The following PRKACB variants were observed in gnomAD, a reference collection of about 807,000 sequenced individuals.
PRKACB encodes the protein protein kinase cAMP-activated catalytic subunit beta, also known as cAMP-dependent protein kinase catalytic subunit beta.
Under a neutral mutation model 51.4 loss-of-function variants are expected in PRKACB, and 16 were observed. That is an observed-to-expected ratio of 0.31 (90% CI 0.21 to 0.47). PRKACB has a LOEUF of 0.47. PRKACB is among the 20% of genes least tolerant of loss of function. The probability of loss-of-function intolerance (pLI) is 1.00; values close to 1 mark genes in which losing one functional copy is unlikely to be tolerated. For missense variants in PRKACB, 309 were observed against 464.5 expected, an observed-to-expected ratio of 0.67 and a Z score of 3.08; for synonymous variants, 147 against 154.4, an observed-to-expected ratio of 0.95 and a Z score of 0.35.
intron 7 of PRKACB, among the ~76,000 whole-genome samples, chr1:84,200,392 C>G (rs1328547109): frequency 6.6e-6 from 1 of 152,110 alleles, no homozygotes; most frequent in Non-Finnish European, 1.5e-5. Flanking sequence ...AGACCTTTGG[C>G]AGATGCATAT....
intron 8 of PRKACB, among the ~76,000 whole-genome samples, chr1:84,205,849 T>C (rs1671255728): frequency 6.6e-6 from 1 of 152,150 alleles, no homozygotes; most frequent in Admixed American, 6.5e-5. Context: ...ACATTATTCA[T>C]GCAATGTTAA....
chr1:84,169,474 C>T lies in PRKACB; in HGVS notation c.188-9703C>T, dbSNP rs374287454. On this transcript the variant is annotated intron_variant, in intron 1 of 9. Coordinates refer to ENST00000370685, the MANE Select transcript of PRKACB (RefSeq NM_182948.4). ...AAGCTGCATTAGAGGCAATAAAAAC[C>T]AGAATAATCATTGCAGAAAAGTAAA... Among the ~76,000 whole-genome samples the T allele has an allele frequency of 1.2e-3, 185 of 151,648 alleles. 2 individuals carry two copies. The highest frequency in any genetic ancestry group is 4.3e-3 in the African/African-American group (179 of 41,466).
Position 84,204,403 on chromosome 1 carries a change from A to C in PRKACB, c.906+1598A>C. ...TGCAGTACTTATTTAAACAAGTATC[A>C]GTATCACTGCTGTTCTTCTTACATT... On this transcript the variant is annotated intron_variant, in intron 8 of 9. Transcript: ENST00000370685. The C allele has an allele frequency of 1.9e-6, 2 of 1,070,976 alleles. 1 individual carries two copies. The highest frequency in any genetic ancestry group is 2.7e-5 in the South Asian group (2 of 73,562). The allele number at this position is 1,070,976 out of a possible 1,614,324, so 66.3% of individuals were successfully genotyped here. A position where few individuals can be genotyped will look rare whatever the true frequency, so the allele number is the denominator to read the frequency against.
chr1:84,103,463 G>T (rs1649506924), intron 1 of PRKACB, among the ~76,000 whole-genome samples: 2 of 152,032 alleles, frequency 1.3e-5, no homozygotes, highest in Admixed American at 6.6e-5. Flanking sequence ...GAGAGAGATT[G>T]GTAGCACTAG....
At chr1:84,221,321 G>A (rs1485569212) in intron 9 of PRKACB, among the ~76,000 whole-genome samples, 1 of 151,492 alleles carries the variant, frequency 6.6e-6, no homozygotes, top group Non-Finnish European at 1.5e-5. Flanking sequence ...TTGTTAACTT[G>A]GATCTTCTCT....
chr1:84,180,069 C>A (rs116631466), intron 2 of PRKACB, among the ~76,000 whole-genome samples: 1 of 142,774 alleles, frequency 7.0e-6, no homozygotes, highest in Non-Finnish European at 1.5e-5. Context: ...AAAAAGAGGT[C>A]GTTATTTGAA....
chr1:84,218,774 C>T (rs1673236729), intron 9 of PRKACB, among the ~76,000 whole-genome samples: 1 of 152,164 alleles, frequency 6.6e-6, no homozygotes, highest in Non-Finnish European at 1.5e-5. Context: ...TATAAGAATT[C>T]CCTTTTCTCC....
rs1247298919 is a variant in PRKACB at position 84,175,793 on chromosome 1, A to T, written c.188-3384A>T. 2 of 1,574,520 alleles carry T rather than the reference A, an allele frequency of 1.3e-6. 1 individual carries two copies. Among genetic ancestry groups the T allele is most frequent in the Non-Finnish European group, 1.7e-6 (2 of 1,162,870 alleles). ...TCCTGCAAACAAATCTTGGGTGAACATGTAGATTCCTTTGGTATGCTCATT... is the reference window on the plus strand; with the variant it reads ...TCCTGCAAACAAATCTTGGGTGAACTTGTAGATTCCTTTGGTATGCTCATT... On this transcript the variant is annotated intron_variant, in intron 1 of 9. Coordinates refer to ENST00000370685, the MANE Select transcript of PRKACB (RefSeq NM_182948.4).
chr1:84,187,864 C>T (rs1665637616), intron 5 of PRKACB, among the ~76,000 whole-genome samples: 1 of 152,072 alleles, frequency 6.6e-6, no homozygotes, highest in Admixed American at 6.6e-5. Flanking sequence ...CTTGAGGTTC[C>T]TGGTCCTGCC....
At chr1:84,176,193 A>C (rs1360611255) in intron 1 of PRKACB, among the ~76,000 whole-genome samples, 2 of 151,876 alleles carry the variant, frequency 1.3e-5, no homozygotes, top group East Asian at 3.9e-4. Flanking sequence ...AAACTAAATA[A>C]TTGAGAACTT....
chr1:84,116,568 ATTC>A (rs1650649250), intron 1 of PRKACB, among the ~76,000 whole-genome samples: 1 of 151,986 alleles, frequency 6.6e-6, no homozygotes, highest in African/African-American at 2.4e-5. Flanking sequence ...ATTCCTAGGT[ATTC>A]TTTTTGTAGC....
At chr1:84,087,946 C>T (rs1648147312) in intron 1 of PRKACB, among the ~76,000 whole-genome samples, 2 of 152,064 alleles carry the variant, frequency 1.3e-5, no homozygotes, top group African/African-American at 2.4e-5. Flanking sequence ...CTTCATGTAG[C>T]TTATAGTCTG....
chr1:84,204,386 T>G, intron 8 of PRKACB: 1 of 938,090 alleles, frequency 1.1e-6, no homozygotes, highest in Non-Finnish European at 1.7e-6. Flanking sequence ...AATGCAGTAC[T>G]TATTTAAACA....
At chr1:84,175,035 T>C (rs761693708) in intron 1 of PRKACB, 2 of 1,471,898 alleles carry the variant, frequency 1.4e-6, no homozygotes, top group Non-Finnish European at 9.0e-7. Flanking sequence ...GACACAAGCT[T>C]GCTCCTCTTC....
At position 84,236,887 on chromosome 1, in the gene PRKACB, A is replaced by G. The variant is rs1676707338; in HGVS notation, c.*1582A>G. ...TCATTTTAATGATCAATTTACCTGCATATAAAATTTATTTTTAATCAAGCT... is the reference window on the plus strand; with the variant it reads ...TCATTTTAATGATCAATTTACCTGCGTATAAAATTTATTTTTAATCAAGCT... On this transcript the variant is annotated 3_prime_UTR_variant, in exon 10 of 10. Transcript: ENST00000370685. 1 of 152,586 alleles carries G rather than the reference A, an allele frequency of 6.6e-6. No homozygotes were observed. Among genetic ancestry groups the G allele is most frequent in the African/African-American group, 2.4e-5 (1 of 41,472 alleles). The allele number at this position is 152,586 out of a possible 1,614,324, so 9.5% of individuals were successfully genotyped here.
chr1:84,224,509 C>T (rs1043126249), intron 9 of PRKACB, among the ~76,000 whole-genome samples: 3 of 152,166 alleles, frequency 2.0e-5, no homozygotes, highest in Non-Finnish European at 4.4e-5. Flanking sequence ...TGTGGGTAAG[C>T]GCCAGCAGTG....
chr1:84,111,549 A>C (rs1650228478), intron 1 of PRKACB, among the ~76,000 whole-genome samples: 1 of 152,222 alleles, frequency 6.6e-6, no homozygotes, highest in African/African-American at 2.4e-5. Flanking sequence ...ATCTCAAAGG[A>C]ATTAACCCAA....
At chr1:84,183,715 A>C (rs1323890787) in intron 3 of PRKACB, among the ~76,000 whole-genome samples, 1 of 151,794 alleles carries the variant, frequency 6.6e-6, no homozygotes, top group Non-Finnish European at 1.5e-5. Context: ...TGACATAACT[A>C]ATTTTTAAAG....
chr1:84,125,447 G>T (rs1036877911), intron 1 of PRKACB, among the ~76,000 whole-genome samples: 3 of 152,144 alleles, frequency 2.0e-5, no homozygotes, highest in Non-Finnish European at 4.4e-5. Context: ...AATCTATTTA[G>T]TCACTAATTA....
Sources: gnomAD v4.1 joint callset for allele counts (sites outside exome capture counted in the v4.1 genomes callset) on GRCh38, gnomAD v4.1.1 for gene constraint, MANE v1.5 for transcripts, NCBI Gene and HGNC (gene_info 2026-07-23, HGNC 2026-07-21) for gene names.